PDE3B: variants seen among roughly 807,000 people sequenced by gnomAD.
PDE3B encodes the protein cGMP-inhibited 3',5'-cyclic phosphodiesterase 3B.
A neutral mutation model predicts 116.8 loss-of-function variants in PDE3B; 66 were observed. The observed-to-expected ratio is 0.56, with a 90% CI of 0.46 to 0.69. The LOEUF (loss-of-function observed/expected upper bound fraction) is 0.69, where lower values mean the gene tolerates loss of function less well. Ranked by LOEUF, PDE3B falls within the 30% of genes least tolerant of loss-of-function variation. The pLI is 0.00. For synonymous variants in PDE3B, 595 were observed against 533.6 expected, an observed-to-expected ratio of 1.12 and a Z score of -1.59; for missense variants, 1,384 against 1,368.1, an observed-to-expected ratio of 1.01 and a Z score of -0.18.
chr11:14,891,837 G>C, the PDE3B span: 1 of 1,416,974 alleles, frequency 7.1e-7, no homozygotes, highest in Non-Finnish European at 9.3e-7. Context: ...GACCCGGGAA[G>C]CGGGTGTCCC....
At chr11:14,866,372 A>G (rs1035283454) in intron 14 of PDE3B, among the ~76,000 whole-genome samples, 32 of 152,286 alleles carry the variant, frequency 2.1e-4, no homozygotes, top group Middle Eastern at 6.8e-3. Context: ...AACTTTCTTC[A>G]GATATTGATG....
rs183965827 is a variant in PDE3B, at chr11:14,682,476, C to T, written c.978+37423C>T. 1.2e-4 allele frequency among the ~76,000 whole-genome samples: 19 copies of T among 152,062 alleles called. No individual in the cohort carries two copies. In the East Asian group the frequency reaches 3.7e-3, roughly 29 times the overall value. ...TGTTGGCTGTAGTTTTGTTTAAATGCCCTTTATTATGTTGGGGAGGTTCCT... is the reference window on the plus strand; with the variant it reads ...TGTTGGCTGTAGTTTTGTTTAAATGTCCTTTATTATGTTGGGGAGGTTCCT... On this transcript the variant is annotated intron_variant, in intron 1 of 15. Coordinates refer to ENST00000282096, the MANE Select transcript of PDE3B (RefSeq NM_000922.4).
At chr11:14,677,266 G>C (rs888093200) in intron 1 of PDE3B, among the ~76,000 whole-genome samples, 12 of 151,968 alleles carry the variant, frequency 7.9e-5, no homozygotes, top group Non-Finnish European at 1.5e-5. Flanking sequence ...GTGTTCCTCA[G>C]AATAAAGGAA....
the PDE3B span, chr11:14,887,037 CAA>C: frequency 2.2e-4 from 33 of 152,326 alleles, no homozygotes; most frequent in African/African-American, 7.9e-4. Flanking sequence ...TGGTATTAGT[CAA>C]AAGTGACAGT....
At chr11:14,714,170 C>G (rs1446454615) in intron 1 of PDE3B, among the ~76,000 whole-genome samples, 1 of 151,878 alleles carries the variant, frequency 6.6e-6, no homozygotes, top group Non-Finnish European at 1.5e-5. Context: ...TTTCATTACT[C>G]TATCATGCTC....
At chr11:14,695,555 GA>G (rs879657319) in intron 1 of PDE3B, among the ~76,000 whole-genome samples, 39 of 151,938 alleles carry the variant, frequency 2.6e-4, no homozygotes, top group Non-Finnish European at 5.3e-4. Flanking sequence ...ACATGTTCAG[GA>G]TGTGCAGGTT....
At chr11:14,820,023 A>G (rs1267855458) in intron 7 of PDE3B, among the ~76,000 whole-genome samples, 2 of 152,144 alleles carry the variant, frequency 1.3e-5, no homozygotes, top group Non-Finnish European at 1.5e-5. Flanking sequence ...AAAAAGTTAA[A>G]CCAAAAATAG....
At chr11:14,688,279 AAT>A (rs1854947029) in intron 1 of PDE3B, among the ~76,000 whole-genome samples, 1 of 152,088 alleles carries the variant, frequency 6.6e-6, no homozygotes, top group African/African-American at 2.4e-5. Context: ...GAAATCCATC[AAT>A]CTTTGTTTAA....
Position 14,869,443 on chromosome 11 carries a change from T to G in PDE3B, c.3140-18T>G. The G allele has an allele frequency of 6.3e-7, 1 of 1,597,786 alleles. No individual in the cohort carries two copies. Among genetic ancestry groups the G allele is most frequent in the Non-Finnish European group, 8.5e-7 (1 of 1,171,158 alleles). ...TCATATTGCTATGATTAGAATATAT[T>G]TATTTTAAATTTCACAGAACCACCA... On this transcript the variant is annotated intron_variant, in intron 15 of 15. Coordinates refer to ENST00000282096, the MANE Select transcript of PDE3B (RefSeq NM_000922.4).
downstream of PDE3B, among the ~76,000 whole-genome samples, chr11:14,876,503 T>TG (rs782491215): frequency 3.9e-5 from 6 of 152,162 alleles, no homozygotes; most frequent in Non-Finnish European, 8.8e-5. Context: ...ACATGTATTT[T>TG]GGGAGAAGCC....
chr11:14,768,445 G>A (rs1037452256), intron 1 of PDE3B, among the ~76,000 whole-genome samples: 4 of 151,428 alleles, frequency 2.6e-5, no homozygotes, highest in African/African-American at 9.7e-5. Context: ...TGTATTTCAT[G>A]TTAAATGAGT....
At position 14,830,800 on chromosome 11, in the gene PDE3B, G is replaced by T; in HGVS notation, c.1910G>T (p.Gly637Val). Residue 637 changes from glycine (G) to valine (V), a missense_variant, in exon 8 of 16, where the codon GGT (glycine) becomes GTT (valine). By Grantham distance (109) the Gly-to-Val change is moderately radical. This residue lies in a region of PDE3B where 956 missense variants were observed against 806.8 expected (regional missense o/e 1.18). Coordinates refer to ENST00000282096, the MANE Select transcript of PDE3B (RefSeq NM_000922.4). ...KKDSRKLFQE[G>V]DKWLTEEAQS... ...GACAGCAGAAAATTATTTCAGGAAG[G>T]TGATAAGTGGCTAACAGAAGAGGCA... 1 of 1,537,616 alleles carries T rather than the reference G, an allele frequency of 6.5e-7. No individual in the cohort carries two copies. Among genetic ancestry groups the T allele is most frequent in the Non-Finnish European group, 8.7e-7 (1 of 1,148,010 alleles).
intron 2 of PDE3B, among the ~76,000 whole-genome samples, chr11:14,785,079 A>C (rs1652783143): frequency 6.6e-6 from 1 of 152,132 alleles, no homozygotes; most frequent in African/African-American, 2.4e-5. Context: ...ATAGTTGCTA[A>C]TTGTAATGGG....
the PDE3B span, among the ~76,000 whole-genome samples, chr11:14,884,969 T>A: frequency 6.6e-6 from 1 of 152,168 alleles, no homozygotes; most frequent in African/African-American, 2.4e-5. Context: ...GGCCTGAGAA[T>A]TCAGTCTTTT....
chr11:14,812,846 T>C (rs1217988747), intron 5 of PDE3B, among the ~76,000 whole-genome samples: 2 of 152,146 alleles, frequency 1.3e-5, no homozygotes, highest in Non-Finnish European at 2.9e-5. Flanking sequence ...ACACCCCAAT[T>C]CATGTGTTGA....
chr11:14,833,649 C>T (rs976932238), intron 10 of PDE3B, among the ~76,000 whole-genome samples: 2 of 152,038 alleles, frequency 1.3e-5, no homozygotes. Flanking sequence ...ATTTGAGTTT[C>T]ATATTAGAAA....
chr11:14,761,929 T>C (rs1172485598), intron 1 of PDE3B, among the ~76,000 whole-genome samples: 2 of 152,166 alleles, frequency 1.3e-5, no homozygotes, highest in East Asian at 3.8e-4. Context: ...TTTTTCTTTT[T>C]GGTTAATTAA....
chr11:14,725,129 A>G (rs995490709), intron 1 of PDE3B, among the ~76,000 whole-genome samples: 1 of 152,174 alleles, frequency 6.6e-6, no homozygotes, highest in East Asian at 1.9e-4. Flanking sequence ...CTTTTTAGCC[A>G]TGCTACTTTT....
intron 1 of PDE3B, among the ~76,000 whole-genome samples, chr11:14,692,439 T>G (rs1855069409): frequency 6.6e-6 from 1 of 152,150 alleles, no homozygotes; most frequent in African/African-American, 2.4e-5. Context: ...GATACTGTGT[T>G]TTTCACAAAT....
Sources: gnomAD v4.1 joint callset for allele counts (sites outside exome capture counted in the v4.1 genomes callset) on GRCh38, gnomAD v4.1.1 for gene constraint, gnomAD v4.1.1 regional missense constraint, MANE v1.5 for transcripts, NCBI Gene and HGNC (gene_info 2026-07-23, HGNC 2026-07-21) for gene names.